NFX1: variants seen among roughly 807,000 people sequenced by gnomAD.
NFX1 encodes the protein nuclear transcription factor, X-box binding 1.
In NFX1, 69 loss-of-function variants were observed where a neutral mutation model predicts 137.2. The ratio of observed to expected loss-of-function variants is 0.50; its 90% CI spans 0.41 to 0.61. The LOEUF (loss-of-function observed/expected upper bound fraction) is 0.61. Among genes scored for constraint, NFX1 ranks in the 20% least tolerant of loss-of-function variants. NFX1 has a pLI of 0.00. For missense variants in NFX1, 1,167 were observed against 1,391.0 expected, an observed-to-expected ratio of 0.84 and a Z score of 2.56; for synonymous variants, 495 against 474.1, an observed-to-expected ratio of 1.04 and a Z score of -0.57.
At chr9:33,342,884 A>G (rs1457294181) in intron 13 of NFX1, 30 bp downstream of exon 13, 1 of 1,460,298 alleles carries the variant, frequency 6.8e-7, no homozygotes, top group Non-Finnish European at 9.4e-7. Context: ...AGTTTATTAG[A>G]AGAGTTTTTT....
chr9:33,301,156 T>G, intron 2 of NFX1, 107 bp from the exon 3 acceptor site: 1 of 1,020,152 alleles, frequency 9.8e-7, no homozygotes, highest in Non-Finnish European at 1.4e-6. Flanking sequence ...AAAATCTCTG[T>G]GTTTGGATTC....
intron 9 of NFX1, among the ~76,000 whole-genome samples, chr9:33,325,664 A>G (rs1247096552): frequency 1.3e-5 from 2 of 152,080 alleles, no homozygotes; most frequent in Non-Finnish European, 2.9e-5. Flanking sequence ...ACTCTGTCTC[A>G]AAAAAAGAAA....
chr9:33,352,803 T>C, intron 17 of NFX1, 84 bp downstream of exon 17: 2 of 1,126,972 alleles, frequency 1.8e-6, no homozygotes, highest in Non-Finnish European at 2.6e-6. Context: ...GCTAGTCAAG[T>C]GAAGCAGTGG....
chr9:33,367,900 A>G (rs1824215539), intron 23 of NFX1, among the ~76,000 whole-genome samples: 1 of 152,224 alleles, frequency 6.6e-6, no homozygotes, highest in African/African-American at 2.4e-5. Context: ...TCAGTCTGTC[A>G]TACCAGATAG....
intron 12 of NFX1, among the ~76,000 whole-genome samples, chr9:33,339,114 T>A (rs997648973): frequency 6.6e-6 from 1 of 152,226 alleles, no homozygotes; most frequent in African/African-American, 2.4e-5. Flanking sequence ...TACTCTTTTA[T>A]ATATAAAAAA....
At chr9:33,354,820 G>T in intron 18 of NFX1, 31 bp from the exon 19 acceptor site, 1 of 1,605,500 alleles carries the variant, frequency 6.2e-7, no homozygotes, top group South Asian at 1.1e-5. Flanking sequence ...TCTGTATTCT[G>T]ACTTTAATTT....
At chr9:33,291,639 C>T (rs551157898) in intron 1 of NFX1, among the ~76,000 whole-genome samples, 1 of 152,244 alleles carries the variant, frequency 6.6e-6, no homozygotes, top group Non-Finnish European at 1.5e-5. Context: ...CGTGGTGGCT[C>T]ACGCCTGTAA....
chr9:33,297,710 C>A (rs1055495593), intron 2 of NFX1, among the ~76,000 whole-genome samples: 4 of 152,200 alleles, frequency 2.6e-5, no homozygotes, highest in African/African-American at 7.2e-5. Context: ...CTCTCAGCTC[C>A]TAGAGGCCAC....
At position 33,356,946 on chromosome 9, in the gene NFX1, C is replaced by T. The variant is rs118036898; in HGVS notation, c.2873+2054C>T. 2.2e-4 allele frequency among the ~76,000 whole-genome samples: 33 copies of T among 148,624 alleles called. No individual in the cohort carries two copies. The East Asian group carries it at 6.6e-3, about 30-fold the overall frequency. On this transcript the variant is annotated intron_variant, in intron 19 of 23. Coordinates refer to ENST00000379540, the MANE Select transcript of NFX1 (RefSeq NM_002504.6). ...GGTTGAGGCTACAGTGAGCCATGATCACCAGTCTGGACTATACTTTTGGTG... is the reference window on the plus strand; with the variant it reads ...GGTTGAGGCTACAGTGAGCCATGATTACCAGTCTGGACTATACTTTTGGTG...
At chr9:33,367,124 G>A (rs1465185558) in intron 22 of NFX1, among the ~76,000 whole-genome samples, 1 of 152,204 alleles carries the variant, frequency 6.6e-6, no homozygotes, top group Admixed American at 6.5e-5. Context: ...CCTTGGCTCT[G>A]TCCTCTTGGC....
intron 2 of NFX1, among the ~76,000 whole-genome samples, chr9:33,298,736 G>A (rs1411200281): frequency 2.0e-5 from 3 of 152,100 alleles, no homozygotes; most frequent in Non-Finnish European, 1.5e-5. Flanking sequence ...GTAAGTAGTG[G>A]TTGTGCCACT....
chr9:33,358,226 G>A (rs888037354), intron 19 of NFX1, among the ~76,000 whole-genome samples: 6 of 151,756 alleles, frequency 4.0e-5, no homozygotes, highest in East Asian at 1.9e-4. Context: ...CCGGGTTCAC[G>A]CCATTCTCCT....
At chr9:33,296,715 C>A (rs745996104) in intron 2 of NFX1, among the ~76,000 whole-genome samples, 1 of 152,204 alleles carries the variant, frequency 6.6e-6, no homozygotes, top group Non-Finnish European at 1.5e-5. Context: ...CAGAGCAAGA[C>A]CCTGTTTTGC....
intron 5 of NFX1, among the ~76,000 whole-genome samples, chr9:33,307,907 C>T (rs1485543313): frequency 6.7e-6 from 1 of 150,172 alleles, no homozygotes; most frequent in Non-Finnish European, 1.5e-5. Flanking sequence ...GTGCTCAAGC[C>T]ATCCTCCCAC....
chr9:33,312,995 C>G (rs1051952898), intron 6 of NFX1, among the ~76,000 whole-genome samples: 2 of 152,222 alleles, frequency 1.3e-5, no homozygotes, highest in African/African-American at 2.4e-5. Context: ...ATAGTATGTT[C>G]TAAGTGCTGG....
In NFX1 at chr9:33,301,323, T is replaced by C; in HGVS notation, c.1094T>C (p.Val365Ala). 1.2e-6 allele frequency: 2 copies of C among 1,614,210 alleles called. No individual in the cohort carries two copies. The highest frequency in any genetic ancestry group is 2.2e-5 in the East Asian group (1 of 44,892). The change falls in exon 3 of 24, where the codon GTT becomes GCT. Residue 365 changes from valine to alanine, a missense_variant. Coordinates refer to ENST00000379540, the MANE Select transcript of NFX1 (RefSeq NM_002504.6). ...KYECMVCCEL[V>A]RVTAPVWSCQ... is the part of the protein sequence containing the mutation. ...GAGTGCATGGTGTGCTGTGAATTGG[T>C]TCGTGTCACGGCCCCAGTGTGGAGT... is the stretch of plus-strand genomic sequence containing the variant.
rs1823711174 is a variant in NFX1 at position 33,353,434 on chromosome 9, A to G, written c.2730-652A>G. Among the ~76,000 whole-genome samples the G allele has an allele frequency of 2.0e-5, 3 of 152,064 alleles. No individual in the cohort carries two copies. The South Asian group carries it at 6.2e-4, about 31-fold the overall frequency. ...TTAGAGAATGAATGGTTATATATAT[A>G]TATATCTGGTTAGATGGGGAGAGGT... On this transcript the variant is annotated intron_variant, in intron 17 of 23. Coordinates refer to ENST00000379540, the MANE Select transcript of NFX1 (RefSeq NM_002504.6).
intron 7 of NFX1, among the ~76,000 whole-genome samples, chr9:33,314,221 T>C (rs1822070491): frequency 1.3e-5 from 2 of 151,958 alleles, no homozygotes. Context: ...TGACCTCAAG[T>C]GATAATGCCT....
intron 10 of NFX1, among the ~76,000 whole-genome samples, chr9:33,331,513 G>A (rs1476572389): frequency 6.6e-6 from 1 of 152,162 alleles, no homozygotes; most frequent in Admixed American, 6.5e-5. Flanking sequence ...AGTGTTCACT[G>A]ATGGGAGCAT....
Sources: gnomAD v4.1 joint callset for allele counts (sites outside exome capture counted in the v4.1 genomes callset) on GRCh38, gnomAD v4.1.1 for gene constraint, MANE v1.5 for transcripts, NCBI Gene and HGNC (gene_info 2026-07-23, HGNC 2026-07-21) for gene names.